CA10: variants seen among roughly 807,000 people sequenced by gnomAD.
The protein encoded by CA10 is carbonic anhydrase 10 (inactive).
CA10 carries 14 observed loss-of-function variants against 44.2 expected under a neutral mutation model. The ratio of observed to expected loss-of-function variants is 0.32; its 90% CI spans 0.21 to 0.50. The LOEUF (loss-of-function observed/expected upper bound fraction) is 0.50, where lower values mean the gene tolerates loss of function less well. Ranked by LOEUF, CA10 falls within the 20% of genes least tolerant of loss-of-function variation. The probability of loss-of-function intolerance (pLI) is 0.99; values close to 1 mark genes in which losing one functional copy is unlikely to be tolerated. For synonymous variants in CA10, 159 were observed against 141.6 expected (o/e 1.12, Z -0.87); for missense variants, 350 against 409.7 (o/e 0.85, Z 1.26).
At chr17:51,959,244 A>G (rs1443341984) in intron 2 of CA10, among the ~76,000 whole-genome samples, 1 of 149,620 alleles carries the variant, frequency 6.7e-6, no homozygotes, top group Admixed American at 6.7e-5. Flanking sequence ...GAAACTGGAA[A>G]ACTAGGTTCC....
At chr17:52,144,534 T>C (rs1989543806) in intron 1 of CA10, among the ~76,000 whole-genome samples, 1 of 152,210 alleles carries the variant, frequency 6.6e-6, no homozygotes, top group African/African-American at 2.4e-5. Context: ...AAGGAACATA[T>C]GGGCAAGACC....
Position 51,673,421 on chromosome 17 carries a change from T to A in CA10, c.466-19685A>T, listed in dbSNP as rs531051070. On this transcript the variant is annotated intron_variant, in intron 4 of 8. Transcript: ENST00000451037. Reference sequence around the variant, plus strand: ...CTGCCACCCTGAACTCTACTCCAAATCTCCTCCTCTTCCTTCATCCCCTCT... The same window carrying A: ...CTGCCACCCTGAACTCTACTCCAAAACTCCTCCTCTTCCTTCATCCCCTCT... Among the ~76,000 whole-genome samples the A allele has an allele frequency of 2.8e-4, 42 of 152,230 alleles. 1 individual carries two copies. The East Asian group carries it at 7.7e-3, about 28-fold the overall frequency.
At chr17:52,138,989 G>T (rs1989419552) in intron 1 of CA10, among the ~76,000 whole-genome samples, 1 of 152,162 alleles carries the variant, frequency 6.6e-6, no homozygotes, top group African/African-American at 2.4e-5. Context: ...CAATCATTTG[G>T]GGCACCATTT....
At chr17:52,047,359 T>C (rs1255945097) in intron 2 of CA10, among the ~76,000 whole-genome samples, 1 of 152,016 alleles carries the variant, frequency 6.6e-6, no homozygotes, top group East Asian at 1.9e-4. Context: ...AAATATTACA[T>C]ATCCTGCTTT....
At chr17:52,110,164 A>G (rs1473686012) in intron 1 of CA10, among the ~76,000 whole-genome samples, 3 of 152,206 alleles carry the variant, frequency 2.0e-5, no homozygotes, top group African/African-American at 4.8e-5. Flanking sequence ...ATGTTTTCCA[A>G]CTGAATGCTA....
At chr17:51,798,092 T>C (rs921901233) in intron 3 of CA10, among the ~76,000 whole-genome samples, 1 of 152,204 alleles carries the variant, frequency 6.6e-6, no homozygotes, top group Non-Finnish European at 1.5e-5. Context: ...TCTTTTGTTT[T>C]GCTCCTTCGC....
chr17:51,730,719 C>A (rs141994574), intron 4 of CA10, among the ~76,000 whole-genome samples: 29 of 152,194 alleles, frequency 1.9e-4, no homozygotes, highest in African/African-American at 5.8e-4. Flanking sequence ...ATAATATAAC[C>A]TGCAATGTTG....
chr17:51,756,975 A>C (rs914302993), intron 3 of CA10, among the ~76,000 whole-genome samples: 15 of 152,164 alleles, frequency 9.9e-5, no homozygotes, highest in African/African-American at 3.6e-4. Context: ...TTGGCTGAGC[A>C]ACTGGGTGGC....
At chr17:51,850,345 TG>T (rs1978738160) in intron 3 of CA10, among the ~76,000 whole-genome samples, 1 of 152,198 alleles carries the variant, frequency 6.6e-6, no homozygotes, top group Admixed American at 6.5e-5. Flanking sequence ...CAAATGGTCT[TG>T]GAATAATCCA....
At chr17:51,754,414 T>TATATATAG (rs1555595796) in intron 3 of CA10, among the ~76,000 whole-genome samples, 2 of 62,122 alleles carry the variant, frequency 3.2e-5, no homozygotes, top group Non-Finnish European at 6.3e-5. Context: ...TATATATATA[T>TATATATAG]ATATATATAT....
At chr17:51,800,431 C>T (rs758773039) in intron 3 of CA10, among the ~76,000 whole-genome samples, 2 of 151,906 alleles carry the variant, frequency 1.3e-5, no homozygotes, top group Non-Finnish European at 2.9e-5. Context: ...GGTTGCACAA[C>T]TCTGTGGATG....
intron 4 of CA10, among the ~76,000 whole-genome samples, chr17:51,708,236 G>T (rs1597999243): frequency 6.6e-6 from 1 of 152,332 alleles, no homozygotes; most frequent in East Asian, 1.9e-4. Flanking sequence ...CTGTGGCTTG[G>T]CACTGGGTGG....
intron 2 of CA10, among the ~76,000 whole-genome samples, chr17:52,012,915 T>C (rs74331002): frequency 0.027 from 4,144 of 152,100 alleles, 73 homozygotes; most frequent in Admixed American, 0.046. Context: ...TCCTCTGCTG[T>C]AGATAGGGAG....
chr17:52,106,491 G>A (rs997518785), intron 1 of CA10, among the ~76,000 whole-genome samples: 1 of 152,086 alleles, frequency 6.6e-6, no homozygotes, highest in South Asian at 2.1e-4. Flanking sequence ...ATAGCTTTTC[G>A]TTGTTGTTAA....
intron 2 of CA10, among the ~76,000 whole-genome samples, chr17:51,936,240 T>A (rs1982859533): frequency 6.6e-6 from 1 of 152,146 alleles, no homozygotes; most frequent in Non-Finnish European, 1.5e-5. Context: ...GAATGAGAGA[T>A]ATGGTTCCTA....
chr17:51,868,362 C>T (rs1190191963), intron 3 of CA10, among the ~76,000 whole-genome samples: 1 of 152,114 alleles, frequency 6.6e-6, no homozygotes, highest in Non-Finnish European at 1.5e-5. Context: ...ATTACTGCTT[C>T]TGAGAGAAAC....
chr17:51,759,413 C>G (rs1905158943), intron 3 of CA10, among the ~76,000 whole-genome samples: 1 of 145,864 alleles, frequency 6.9e-6, no homozygotes, highest in Admixed American at 6.9e-5. Flanking sequence ...TTTAATATAT[C>G]AAATATATTT....
chr17:52,017,938 CGGCTCAA>C (rs1446184154), intron 2 of CA10, among the ~76,000 whole-genome samples: 9 of 152,104 alleles, frequency 5.9e-5, no homozygotes, highest in Non-Finnish European at 1.0e-4. Context: ...TTCCTGGCTG[CGGCTCAA>C]GGCATCCCAG....
chr17:51,814,007 C>T (rs2143745438), intron 3 of CA10, among the ~76,000 whole-genome samples: 1 of 152,274 alleles, frequency 6.6e-6, no homozygotes, highest in South Asian at 2.1e-4. Flanking sequence ...GGACAGAACC[C>T]ACTGACATTG....
Sources: allele counts gnomAD v4.1 joint callset (sites outside exome capture counted in the v4.1 genomes callset), GRCh38; gene constraint gnomAD v4.1.1; transcripts MANE v1.5; gene names NCBI Gene and HGNC (gene_info 2026-07-23, HGNC 2026-07-21).